The following GABRB1 variants were observed in gnomAD, a reference collection of about 807,000 sequenced individuals.
GABRB1 encodes gamma-aminobutyric acid receptor subunit beta-1.
GABRB1 carries 17 observed loss-of-function variants against 51.6 expected under a neutral mutation model. The observed-to-expected ratio is 0.33, with a 90% CI of 0.23 to 0.49. The LOEUF (loss-of-function observed/expected upper bound fraction) is 0.49. Among genes scored for constraint, GABRB1 ranks in the 20% least tolerant of loss-of-function variants. The pLI, the probability that GABRB1 is intolerant of heterozygous loss-of-function variation, is 0.99. For missense variants in GABRB1, 410 were observed against 600.6 expected, an observed-to-expected ratio of 0.68 and a Z score of 3.32; for synonymous variants, 247 against 218.9, an observed-to-expected ratio of 1.13 and a Z score of -1.14.
In GABRB1 at chr4:47,227,359, T is replaced by C. The variant is rs184508544; in HGVS notation, c.461+65890T>C. Among the ~76,000 whole-genome samples, 3 of 152,278 alleles carry C rather than the reference T, an allele frequency of 2.0e-5. No homozygotes were observed. In the East Asian group the frequency reaches 5.8e-4, roughly 29 times the overall value. ...ACATTTATTAAATGTTTATTCTGTT[T>C]CATATAGTTAACCATGTTCTATACA... On this transcript the variant is annotated intron_variant, in intron 4 of 8. Transcript: ENST00000295454.
chr4:47,259,224 G>A (rs1350766862), intron 4 of GABRB1, among the ~76,000 whole-genome samples: 2 of 151,976 alleles, frequency 1.3e-5, no homozygotes, highest in Admixed American at 6.6e-5. Flanking sequence ...TGTGCAGAAG[G>A]TTTTCCCACA....
intron 4 of GABRB1, among the ~76,000 whole-genome samples, chr4:47,279,513 A>G (rs896981327): frequency 6.6e-6 from 1 of 152,154 alleles, no homozygotes; most frequent in Non-Finnish European, 1.5e-5. Flanking sequence ...AACCATTAAT[A>G]GGGAAGGCCC....
In GABRB1 at chr4:47,098,995, A is replaced by G. The variant is rs370792338; in HGVS notation, c.241-62254A>G. On this transcript the variant is annotated intron_variant, in intron 3 of 8. Transcript: ENST00000295454. ...CTAAAGGCAAAAAATCTGATTTCCAATGATTTTCCCTTCATTAGCGCAAGT... is the reference window on the plus strand; with the variant it reads ...CTAAAGGCAAAAAATCTGATTTCCAGTGATTTTCCCTTCATTAGCGCAAGT... 2.9e-4 allele frequency among the ~76,000 whole-genome samples: 44 copies of G among 152,208 alleles called. 1 individual carries two copies. Among genetic ancestry groups the G allele is most frequent in the Admixed American group, 7.9e-4 (12 of 15,254 alleles).
In GABRB1 at chr4:47,063,043, G is replaced by A. The variant is rs569881452; in HGVS notation, c.240+30559G>A. On this transcript the variant is annotated intron_variant, in intron 3 of 8. Transcript: ENST00000295454. ...ATTATATCACTTCTTACTCAAAACCGTTTATGGCTTTCTCTCTTAAAATAA... is the reference window on the plus strand; with the variant it reads ...ATTATATCACTTCTTACTCAAAACCATTTATGGCTTTCTCTCTTAAAATAA... Among the ~76,000 whole-genome samples, 15 of 152,154 alleles carry A rather than the reference G, an allele frequency of 9.9e-5. No homozygotes were observed. In the South Asian group the frequency reaches 2.1e-3, roughly 21 times the overall value.
At chr4:47,122,639 C>G (rs1171665426) in intron 3 of GABRB1, among the ~76,000 whole-genome samples, 1 of 151,986 alleles carries the variant, frequency 6.6e-6, no homozygotes, top group African/African-American at 2.4e-5. Context: ...ACACTGGGTG[C>G]TTCTAAGCAG....
At chr4:47,001,352 C>G (rs1383924541) in intron 1 of GABRB1, among the ~76,000 whole-genome samples, 1 of 152,044 alleles carries the variant, frequency 6.6e-6, no homozygotes, top group African/African-American at 2.4e-5. Context: ...CCGTGTTAGC[C>G]AGGATGGTCT....
intron 4 of GABRB1, among the ~76,000 whole-genome samples, chr4:47,203,905 G>A (rs976794020): frequency 6.6e-6 from 1 of 152,104 alleles, no homozygotes; most frequent in East Asian, 1.9e-4. Flanking sequence ...CTGGGGTTGA[G>A]AAAATGAAAG....
chr4:47,032,411 C>T lies in GABRB1; in HGVS notation c.173-6C>T, dbSNP rs1199125902. On this transcript the variant is annotated splice_region_variant and splice_polypyrimidine_tract_variant and intron_variant, in intron 2 of 8. Coordinates refer to ENST00000295454, the MANE Select transcript of GABRB1 (RefSeq NM_000812.4). ...CTGTTCCTAATGTGGCCCACCTCCC[C>T]GGCAGGGCCCCCCGTCGACGTTGGG... 1.9e-6 allele frequency: 3 copies of T among 1,580,052 alleles called. No individual in the cohort carries two copies. Among genetic ancestry groups the T allele is most frequent in the Non-Finnish European group, 2.6e-6 (3 of 1,160,252 alleles).
At chr4:47,360,282 G>A (rs989849578) in intron 5 of GABRB1, among the ~76,000 whole-genome samples, 1 of 151,802 alleles carries the variant, frequency 6.6e-6, no homozygotes, top group Non-Finnish European at 1.5e-5. Context: ...TCATTTTTAG[G>A]ATTGAAAACC....
intron 4 of GABRB1, among the ~76,000 whole-genome samples, chr4:47,298,220 A>T (rs139713848): frequency 0.58 from 87,762 of 151,906 alleles, 25,439 homozygotes; most frequent in East Asian, 0.69. Context: ...TATTCAACAT[A>T]GAGTTGGAAG....
intron 4 of GABRB1, among the ~76,000 whole-genome samples, chr4:47,293,157 T>C (rs534511163): frequency 1.3e-5 from 2 of 152,312 alleles, no homozygotes; most frequent in Admixed American, 1.3e-4. Context: ...TTGTTTGTTT[T>C]TGAGATGGAG....
chr4:47,334,267 T>A (rs1008752554), intron 5 of GABRB1, among the ~76,000 whole-genome samples: 16 of 152,056 alleles, frequency 1.1e-4, no homozygotes, highest in South Asian at 6.2e-4. Context: ...TTTAAGAAAA[T>A]TTTTTAAAAA....
intron 4 of GABRB1, among the ~76,000 whole-genome samples, chr4:47,263,347 G>A (rs1213469727): frequency 2.0e-5 from 3 of 151,936 alleles, no homozygotes; most frequent in East Asian, 1.9e-4. Context: ...ATAACCCATC[G>A]GATAGCCACC....
chr4:47,296,386 T>C (rs1037692326), intron 4 of GABRB1, among the ~76,000 whole-genome samples: 2 of 152,050 alleles, frequency 1.3e-5, no homozygotes, highest in Non-Finnish European at 2.9e-5. Flanking sequence ...GAGACACACA[T>C]AGGCTCAAAA....
chr4:47,161,304 A>T lies in GABRB1; in HGVS notation c.296A>T (p.Tyr99Phe), dbSNP rs1211865241. ...TCTTGGAAAGACAAAAGGCTTTCTT[A>T]TTCTGGAATCCCACTGAACCTCACC... The part of the protein sequence containing the change: ...QQSWKDKRLS[Y>F]SGIPLNLTLD... Residue 99 changes from tyrosine to phenylalanine, a missense_variant, in exon 4 of 9, where the codon TAT (tyrosine) becomes TTT (phenylalanine). Tyr to Phe is a conservative substitution (Grantham distance 22, BLOSUM62 3). Transcript: ENST00000295454. 1.2e-6 allele frequency: 2 copies of T among 1,611,450 alleles called. No individual in the cohort carries two copies. The highest frequency in any genetic ancestry group is 1.7e-6 in the Non-Finnish European group (2 of 1,179,004).
chr4:47,346,186 G>A (rs1254406948), intron 5 of GABRB1, among the ~76,000 whole-genome samples: 1 of 152,180 alleles, frequency 6.6e-6, no homozygotes, highest in African/African-American at 2.4e-5. Context: ...CTTCAGGAGA[G>A]TAAGGCATTG....
intron 5 of GABRB1, among the ~76,000 whole-genome samples, chr4:47,370,643 G>A (rs1167689836): frequency 6.6e-6 from 1 of 152,172 alleles, no homozygotes; most frequent in Non-Finnish European, 1.5e-5. Context: ...TAATTGCTAT[G>A]AGCACCAAAT....
At position 47,156,529 on chromosome 4, in the gene GABRB1, T is replaced by G. The variant is rs536322188; in HGVS notation, c.241-4720T>G. Among the ~76,000 whole-genome samples, 11 of 152,130 alleles carry G rather than the reference T, an allele frequency of 7.2e-5. No individual in the cohort carries two copies. The East Asian group carries it at 2.1e-3, about 29-fold the overall frequency. On this transcript the variant is annotated intron_variant, in intron 3 of 8. Coordinates refer to ENST00000295454, the MANE Select transcript of GABRB1 (RefSeq NM_000812.4). Reference sequence around the variant, plus strand: ...GTTTTCAGTCACTGCTAAATGTACCTAACATGAGGGAAAAATCAGCCTGTC... The same window carrying G: ...GTTTTCAGTCACTGCTAAATGTACCGAACATGAGGGAAAAATCAGCCTGTC...
chr4:47,342,264 A>G (rs1460205715), intron 5 of GABRB1, among the ~76,000 whole-genome samples: 1 of 152,192 alleles, frequency 6.6e-6, no homozygotes, highest in Non-Finnish European at 1.5e-5. Context: ...TACTTAAAAA[A>G]CAAAAGGCAA....
Sources: gnomAD v4.1 joint callset for allele counts (sites outside exome capture counted in the v4.1 genomes callset) on GRCh38, gnomAD v4.1.1 for gene constraint, MANE v1.5 for transcripts, NCBI Gene and HGNC (gene_info 2026-07-23, HGNC 2026-07-21) for gene names.